The following HLCS variants were observed in gnomAD, a reference collection of about 807,000 sequenced individuals.
HLCS encodes the protein holocarboxylase synthetase.
A neutral mutation model predicts 75.0 loss-of-function variants in HLCS; 53 were observed. That is an observed-to-expected ratio of 0.71 (90% CI 0.57 to 0.89). The LOEUF (loss-of-function observed/expected upper bound fraction) is 0.89. Ranked by LOEUF, HLCS falls within the 40% of genes least tolerant of loss-of-function variation. HLCS has a pLI of 0.00. For synonymous variants in HLCS, 431 were observed against 428.6 expected (o/e 1.01, Z -0.07); for missense variants, 966 against 1,074.0 (o/e 0.90, Z 1.41).
At chr21:36,982,207 T>C (rs1011184220) in intron 1 of HLCS, among the ~76,000 whole-genome samples, 4 of 152,216 alleles carry the variant, frequency 2.6e-5, no homozygotes, top group Non-Finnish European at 4.4e-5. Context: ...TGCTATCTAA[T>C]ATTCTATTTG....
intron 5 of HLCS, among the ~76,000 whole-genome samples, chr21:36,926,156 G>A (rs2066397646): frequency 6.6e-6 from 1 of 152,134 alleles, no homozygotes; most frequent in African/African-American, 2.4e-5. Context: ...CCATGGAGAG[G>A]TCCCCATATA....
At chr21:36,803,027 G>A (rs1394443799) in intron 6 of HLCS, among the ~76,000 whole-genome samples, 2 of 152,218 alleles carry the variant, frequency 1.3e-5, no homozygotes, top group South Asian at 2.1e-4. Context: ...GGCGATCAGG[G>A]TCCAGTTCCT....
chr21:36,755,325 C>T (rs12481800), intron 10 of HLCS, among the ~76,000 whole-genome samples: 34,527 of 151,316 alleles, frequency 0.23, 4,990 homozygotes, highest in Non-Finnish European at 0.33. Context: ...CATTTGAGCC[C>T]GGGAGTTCAA....
chr21:36,880,954 TTTTGTTTGTTTGTTTGTTTG>T (rs146652378), intron 6 of HLCS, among the ~76,000 whole-genome samples: 2 of 150,094 alleles, frequency 1.3e-5, no homozygotes. Flanking sequence ...AGCAGAGAGT[TTTTGTTTGTTTGTTTGTTTG>T]TTTGTTTGTT....
chr21:36,971,618 C>T (rs1279955305), upstream of HLCS: 1 of 152,056 alleles, frequency 6.6e-6, no homozygotes, highest in African/African-American at 2.4e-5. Context: ...CACCTGAAAT[C>T]AAGAGTTCAA....
At chr21:36,776,997 A>G (rs1242817157) in intron 6 of HLCS, among the ~76,000 whole-genome samples, 2 of 152,170 alleles carry the variant, frequency 1.3e-5, no homozygotes, top group East Asian at 1.9e-4. Flanking sequence ...AAGAGTTCCC[A>G]TATGTCCCCT....
chr21:36,965,661 G>A (rs2068528819), intron 1 of HLCS, among the ~76,000 whole-genome samples: 1 of 152,146 alleles, frequency 6.6e-6, no homozygotes, highest in Admixed American at 6.5e-5. Context: ...AGAGGGAAAA[G>A]GGCAGTTTTT....
intron 6 of HLCS, among the ~76,000 whole-genome samples, chr21:36,890,278 T>C (rs187918467): frequency 2.4e-4 from 37 of 152,246 alleles, no homozygotes; most frequent in African/African-American, 8.4e-4. Context: ...CCAGAAGGTG[T>C]TACCCTGACA....
At chr21:36,932,632 C>G (rs2066697424) in intron 4 of HLCS, among the ~76,000 whole-genome samples, 1 of 152,222 alleles carries the variant, frequency 6.6e-6, no homozygotes, top group Non-Finnish European at 1.5e-5. Context: ...GTTGCCAGAA[C>G]ACTGAGTACC....
upstream of HLCS, among the ~76,000 whole-genome samples, chr21:36,966,823 G>GC (rs1401522592): frequency 2.7e-5 from 4 of 147,330 alleles, no homozygotes; most frequent in African/African-American, 9.9e-5. Flanking sequence ...GGAGGGGCGG[G>GC]GGGGGGTGAG....
intron 6 of HLCS, among the ~76,000 whole-genome samples, chr21:36,790,634 C>T (rs2060833313): frequency 6.6e-6 from 1 of 152,208 alleles, no homozygotes; most frequent in Non-Finnish European, 1.5e-5. Flanking sequence ...CAATGGCTGC[C>T]TTTCCCACGA....
At chr21:36,947,613 C>T in intron 2 of HLCS, 1 of 985,450 alleles carries the variant, frequency 1.0e-6, no homozygotes, top group Non-Finnish European at 1.2e-6. Context: ...AAAGGAGTTT[C>T]CTCCTATAAT....
chr21:36,912,738 T>C (rs1461195072), intron 5 of HLCS, among the ~76,000 whole-genome samples: 1 of 152,116 alleles, frequency 6.6e-6, no homozygotes, highest in Non-Finnish European at 1.5e-5. Context: ...CAAAGCTCCC[T>C]GTCCTCTATG....
intron 6 of HLCS, among the ~76,000 whole-genome samples, chr21:36,791,036 G>A (rs1423669833): frequency 6.6e-6 from 1 of 152,152 alleles, no homozygotes; most frequent in African/African-American, 2.4e-5. Context: ...GAGCTTGCTT[G>A]TATTTAAAGT....
At position 36,966,425 on chromosome 21, in the gene HLCS, G is replaced by GGGGGCCCCCC; in HGVS notation, c.195+18_195+19insGGGGGGCCCC. ...CCGGCTCGCGGGGCCCGGGTCGCCC[G>GGGGGCCCCCC]CCCGCCCGACCCGCCCACCTGGCTG... On this transcript the variant is annotated intron_variant, in intron 1 of 10. Transcript: ENST00000674895. 2.0e-5 allele frequency: 4 copies of GGGGGCCCCCC among 195,430 alleles called. No homozygotes were observed. Among genetic ancestry groups the GGGGGCCCCCC allele is most frequent in the Non-Finnish European group, 3.4e-5 (4 of 116,682 alleles). 12.1% of individuals were successfully genotyped at this position (195,430 alleles called of 1,614,324 possible).
intron 6 of HLCS, among the ~76,000 whole-genome samples, chr21:36,883,621 C>T (rs189699309): frequency 2.0e-5 from 3 of 152,284 alleles, no homozygotes; most frequent in Admixed American, 2.0e-4. Context: ...GAAACATATG[C>T]TCAGGTTTTA....
chr21:36,895,307 T>C (rs1291238201), intron 6 of HLCS, among the ~76,000 whole-genome samples: 2 of 152,336 alleles, frequency 1.3e-5, no homozygotes, highest in Non-Finnish European at 1.5e-5. Flanking sequence ...AATGAAGTCT[T>C]CGCTTGAGTA....
intron 4 of HLCS, among the ~76,000 whole-genome samples, chr21:36,935,268 A>C (rs527713639): frequency 6.6e-6 from 1 of 152,272 alleles, no homozygotes; most frequent in South Asian, 2.1e-4. Context: ...TGTGGCCTGC[A>C]GCACTGCAGG....
At chr21:36,757,006 G>A (rs755929318) in intron 9 of HLCS, 28 of 943,324 alleles carry the variant, frequency 3.0e-5, no homozygotes, top group Non-Finnish European at 3.4e-5. Context: ...TGGGAAAAAA[G>A]AAAGCCACAT....
Sources: allele counts gnomAD v4.1 joint callset (sites outside exome capture counted in the v4.1 genomes callset), GRCh38; gene constraint gnomAD v4.1.1; transcripts MANE v1.5; gene names NCBI Gene and HGNC (gene_info 2026-07-23, HGNC 2026-07-21).